The following JPH2 variants were observed in gnomAD, a reference collection of about 807,000 sequenced individuals.
The protein encoded by JPH2 is junctophilin-2.
JPH2 carries 38 observed loss-of-function variants against 55.9 expected under a neutral mutation model. That is an observed-to-expected ratio of 0.68 (90% CI 0.52 to 0.89). The LOEUF is 0.89. Among genes scored for constraint, JPH2 ranks in the 40% least tolerant of loss-of-function variants. The pLI, the probability that JPH2 is intolerant of heterozygous loss-of-function variation, is 0.00. For missense variants in JPH2, 964 were observed against 1,037.6 expected, an observed-to-expected ratio of 0.93 and a Z score of 0.97; for synonymous variants, 480 against 472.4, an observed-to-expected ratio of 1.02 and a Z score of -0.21.
intron 2 of JPH2, among the ~76,000 whole-genome samples, chr20:44,129,869 TG>T (rs2072304956): frequency 6.6e-6 from 1 of 152,078 alleles, no homozygotes; most frequent in East Asian, 1.9e-4. Flanking sequence ...GGGAGTGATG[TG>T]TTTTGAAGAC....
At chr20:44,141,830 C>T (rs1421497997) in intron 2 of JPH2, among the ~76,000 whole-genome samples, 5 of 152,146 alleles carry the variant, frequency 3.3e-5, no homozygotes, top group African/African-American at 1.2e-4. Context: ...CTATTACCTG[C>T]AGCTGAGCAC....
chr20:44,180,622 G>GA (rs1315967457), intron 1 of JPH2, among the ~76,000 whole-genome samples: 1 of 152,070 alleles, frequency 6.6e-6, no homozygotes, highest in African/African-American at 2.4e-5. Context: ...TAGCTTTATG[G>GA]AAAAAAGTCA....
chr20:44,174,088 G>A (rs1476078276), intron 1 of JPH2, among the ~76,000 whole-genome samples: 2 of 152,262 alleles, frequency 1.3e-5, no homozygotes, highest in Admixed American at 6.5e-5. Context: ...CACCACTTCC[G>A]CAGGTAGCCA....
intron 2 of JPH2, among the ~76,000 whole-genome samples, chr20:44,151,030 A>AAAAAC (rs2072526817): frequency 1.3e-5 from 2 of 152,178 alleles, no homozygotes; most frequent in Admixed American, 6.5e-5. Context: ...ACCCTATCTC[A>AAAAAC]AAAACAAAAC....
intron 1 of JPH2, among the ~76,000 whole-genome samples, chr20:44,167,516 G>C (rs570410016): frequency 6.6e-6 from 1 of 152,254 alleles, no homozygotes; most frequent in Admixed American, 6.5e-5. Context: ...TCCAGATTCA[G>C]CAGTTCAAGC....
At chr20:44,132,559 G>C (rs2072329555) in intron 2 of JPH2, among the ~76,000 whole-genome samples, 1 of 151,530 alleles carries the variant, frequency 6.6e-6, no homozygotes, top group South Asian at 2.1e-4. Context: ...CAGGGCCCAA[G>C]CACGAGGCCG....
At chr20:44,141,079 A>T (rs1333190812) in intron 2 of JPH2, among the ~76,000 whole-genome samples, 1 of 152,166 alleles carries the variant, frequency 6.6e-6, no homozygotes, top group Non-Finnish European at 1.5e-5. Context: ...GTGACCAGGG[A>T]AGACTCGGGA....
intron 2 of JPH2, among the ~76,000 whole-genome samples, chr20:44,123,264 C>T (rs563822182): frequency 6.6e-6 from 1 of 152,172 alleles, no homozygotes; most frequent in Non-Finnish European, 1.5e-5. Context: ...CTTCAGCACC[C>T]TCCCTCCCCA....
chr20:44,164,947 C>T (rs1177321888), intron 1 of JPH2, among the ~76,000 whole-genome samples: 1 of 151,632 alleles, frequency 6.6e-6, no homozygotes, highest in Non-Finnish European at 1.5e-5. Flanking sequence ...AAGCGATTCT[C>T]CTGCCTCAGC....
In JPH2 at chr20:44,179,407, C is replaced by T. The variant is rs199880668; in HGVS notation, c.379+6920G>A. Among the ~76,000 whole-genome samples the T allele has an allele frequency of 1.6e-4, 24 of 152,246 alleles. No individual in the cohort carries two copies. The East Asian group carries it at 3.1e-3, about 20-fold the overall frequency. On this transcript the variant is annotated intron_variant, in intron 1 of 5. Transcript: ENST00000372980. ...GTGGGATTGCAATTATAACAGTTTA[C>T]AAGCCACTAGGGTAGTAGATGAGAG...
chr20:44,172,256 C>A (rs2072704409), intron 1 of JPH2, among the ~76,000 whole-genome samples: 1 of 152,036 alleles, frequency 6.6e-6, no homozygotes, highest in South Asian at 2.1e-4. Context: ...TGGCTGATCA[C>A]CCTAAATTGG....
intron 2 of JPH2, among the ~76,000 whole-genome samples, chr20:44,149,352 C>T (rs1044550031): frequency 8.5e-5 from 13 of 152,260 alleles, no homozygotes; most frequent in African/African-American, 2.7e-4. Flanking sequence ...TTTGGGCAGA[C>T]CGCTCCCAGC....
intron 2 of JPH2, among the ~76,000 whole-genome samples, chr20:44,150,393 A>G (rs1052653695): frequency 9.9e-5 from 15 of 152,268 alleles, no homozygotes; most frequent in African/African-American, 3.6e-4. Context: ...TAAAGACTTA[A>G]ATAAATTGAA....
In JPH2 at chr20:44,183,681, T is replaced by C. The variant is rs376750116; in HGVS notation, c.379+2646A>G. On this transcript the variant is annotated intron_variant, in intron 1 of 5. Coordinates refer to ENST00000372980, the MANE Select transcript of JPH2 (RefSeq NM_020433.5). ...GAGGAGACACTAGTGACGAATATAA[T>C]GTCCTATGAATGCCTTCTGATGCCA... Among the ~76,000 whole-genome samples, 2 of 152,334 alleles carry C rather than the reference T, an allele frequency of 1.3e-5. 1 individual carries two copies.
chr20:44,177,328 C>T, intron 1 of JPH2: 1 of 986,920 alleles, frequency 1.0e-6, no homozygotes, highest in Non-Finnish European at 1.2e-6. Flanking sequence ...GTGTGGAGGG[C>T]AGGGCCTGCT....
At chr20:44,152,464 C>G (rs1241907285) in intron 2 of JPH2, among the ~76,000 whole-genome samples, 1 of 151,988 alleles carries the variant, frequency 6.6e-6, no homozygotes, top group African/African-American at 2.4e-5. Flanking sequence ...TAGCTTGAGC[C>G]AAGGAGTTCG....
intron 2 of JPH2, among the ~76,000 whole-genome samples, chr20:44,126,164 GAGGGAGGAAGGAAGGAAGGAAGGA>G (rs1337044547): frequency 3.3e-5 from 1 of 30,052 alleles, no homozygotes; most frequent in Non-Finnish European, 7.0e-5. Flanking sequence ...GGGAGGGAGG[GAGGGAGGAAGGAAGGAAGGAAGGA>G]AGGGAGGAAG....
intron 1 of JPH2, among the ~76,000 whole-genome samples, chr20:44,175,656 C>T (rs2072728165): frequency 6.6e-6 from 1 of 152,212 alleles, no homozygotes; most frequent in Non-Finnish European, 1.5e-5. Context: ...CGCAAGGCTC[C>T]ACCACCCCTA....
chr20:44,165,185 T>A (rs2072647371), intron 1 of JPH2, among the ~76,000 whole-genome samples: 1 of 152,114 alleles, frequency 6.6e-6, no homozygotes, highest in East Asian at 1.9e-4. Context: ...AGCGTGTACA[T>A]CTGTCACACC....
Sources: gnomAD v4.1 joint callset for allele counts (sites outside exome capture counted in the v4.1 genomes callset) on GRCh38, gnomAD v4.1.1 for gene constraint, MANE v1.5 for transcripts, NCBI Gene and HGNC (gene_info 2026-07-23, HGNC 2026-07-21) for gene names.